Variants in CYRIB observed in about 807,000 individuals in gnomAD.
CYRIB encodes the protein CYFIP-related Rac1 interactor B.
In CYRIB, 8 loss-of-function variants were observed where a neutral mutation model predicts 44.2. The ratio of observed to expected loss-of-function variants is 0.18; its 90% confidence interval spans 0.11 to 0.33. The LOEUF (loss-of-function observed/expected upper bound fraction) is 0.33, where lower values mean the gene tolerates loss of function less well. CYRIB is among the 10% of genes least tolerant of loss of function. The pLI, the probability that CYRIB is intolerant of heterozygous loss-of-function variation, is 1.00. For synonymous variants in CYRIB, 131 were observed against 127.2 expected, an observed-to-expected ratio of 1.03 and a Z score of -0.20; for missense variants, 185 against 382.8, an observed-to-expected ratio of 0.48 and a Z score of 4.31.
At chr8:129,875,331 T>TCA (rs1367831998) in intron 3 of CYRIB, among the ~76,000 whole-genome samples, 2 of 151,262 alleles carry the variant, frequency 1.3e-5, no homozygotes, top group Non-Finnish European at 2.9e-5. Flanking sequence ...GTAGAGCAAA[T>TCA]CACAGCTCAC....
At chr8:129,890,964 T>C (rs2065135622) in intron 2 of CYRIB, among the ~76,000 whole-genome samples, 1 of 151,448 alleles carries the variant, frequency 6.6e-6, no homozygotes, top group Non-Finnish European at 1.5e-5. Flanking sequence ...GCAAGCAATG[T>C]CACCAAAAGG....
chr8:129,927,448 A>G (rs1428469855), intron 1 of CYRIB, among the ~76,000 whole-genome samples: 1 of 152,232 alleles, frequency 6.6e-6, no homozygotes, highest in African/African-American at 2.4e-5. Flanking sequence ...ACAAAATTAC[A>G]AAAGTCCCTG....
intron 2 of CYRIB, among the ~76,000 whole-genome samples, chr8:129,884,141 T>C (rs1203889761): frequency 6.6e-6 from 1 of 152,186 alleles, no homozygotes; most frequent in African/African-American, 2.4e-5. Flanking sequence ...GTCCAGCTGC[T>C]TGATTTTCCT....
chr8:129,929,954 T>C (rs2090228127), intron 1 of CYRIB, among the ~76,000 whole-genome samples: 1 of 152,174 alleles, frequency 6.6e-6, no homozygotes, highest in Admixed American at 6.5e-5. Flanking sequence ...GGCTCATGCG[T>C]GCAATCCCAG....
chr8:129,872,754 C>G (rs1416537530), intron 3 of CYRIB, among the ~76,000 whole-genome samples: 1 of 151,954 alleles, frequency 6.6e-6, no homozygotes, highest in Non-Finnish European at 1.5e-5. Flanking sequence ...TCACACTGGT[C>G]TTTTAAGTTT....
intron 10 of CYRIB, 90 bp downstream of exon 12, chr8:129,849,153 T>C (rs1042670922): frequency 8.0e-7 from 1 of 1,244,334 alleles, no homozygotes; most frequent in Non-Finnish European, 1.1e-6. Flanking sequence ...TTTGTGAGAG[T>C]CCGGTTTGCT....
chr8:129,908,288 A>G (rs1267468455), intron 1 of CYRIB, among the ~76,000 whole-genome samples: 1 of 152,210 alleles, frequency 6.6e-6, no homozygotes, highest in Non-Finnish European at 1.5e-5. Flanking sequence ...TCACATGAAG[A>G]CAACAGAAAA....
At chr8:129,923,435 C>T (rs981859578) in intron 1 of CYRIB, among the ~76,000 whole-genome samples, 9 of 151,714 alleles carry the variant, frequency 5.9e-5, no homozygotes, top group Non-Finnish European at 8.8e-5. Context: ...CCACCACACC[C>T]AGCTAATTTT....
chr8:129,874,363 G>A (rs1216547150), intron 3 of CYRIB, among the ~76,000 whole-genome samples: 1 of 151,960 alleles, frequency 6.6e-6, no homozygotes, highest in Non-Finnish European at 1.5e-5. Context: ...AGGGTGGAGG[G>A]TAGAAAAAGA....
intron 1 of CYRIB, among the ~76,000 whole-genome samples, chr8:129,971,799 G>A (rs1380407758): frequency 6.6e-6 from 1 of 152,128 alleles, no homozygotes; most frequent in Non-Finnish European, 1.5e-5. Context: ...ACACAAACAG[G>A]TACATTACGC....
At chr8:129,880,458 C>T in intron 2 of CYRIB, 1 of 985,584 alleles carries the variant, frequency 1.0e-6, no homozygotes, top group Non-Finnish European at 1.2e-6. Context: ...TGCCAGCAAA[C>T]CTAAAAATAA....
chr8:129,942,815 A>G (rs1295019358), upstream of CYRIB, among the ~76,000 whole-genome samples: 1 of 152,118 alleles, frequency 6.6e-6, no homozygotes, highest in Admixed American at 6.5e-5. Context: ...ATATGGTACT[A>G]TTATCAGGCC....
chr8:129,887,647 A>C (rs1194054359), intron 2 of CYRIB, among the ~76,000 whole-genome samples: 1 of 152,210 alleles, frequency 6.6e-6, no homozygotes, highest in Non-Finnish European at 1.5e-5. Flanking sequence ...CTGCAGAGCA[A>C]GAGGGGCAGA....
intron 1 of CYRIB, among the ~76,000 whole-genome samples, chr8:129,936,422 G>A (rs1424137556): frequency 2.0e-5 from 3 of 152,138 alleles, no homozygotes; most frequent in Non-Finnish European, 4.4e-5. Context: ...AACAGTAGGT[G>A]TTCAATACTA....
At chr8:129,855,320 G>A (rs961401688) in intron 6 of CYRIB, among the ~76,000 whole-genome samples, 1 of 151,752 alleles carries the variant, frequency 6.6e-6, no homozygotes, top group African/African-American at 2.4e-5. Context: ...GAGCCCAGGA[G>A]GGAGAGGTTG....
intron 2 of CYRIB, among the ~76,000 whole-genome samples, chr8:129,948,307 G>A (rs2094297110): frequency 6.6e-6 from 1 of 152,142 alleles, no homozygotes; most frequent in South Asian, 2.1e-4. Context: ...TACCCTCGAG[G>A]AGAGGTTTTT....
chr8:129,874,956 C>T (rs1320070021), intron 3 of CYRIB, among the ~76,000 whole-genome samples: 6 of 152,260 alleles, frequency 3.9e-5, no homozygotes, highest in Non-Finnish European at 7.4e-5. Context: ...AGAAAATATA[C>T]TCTATTTCTC....
chr8:129,852,229 A>G, exon 8 of CYRIB: 1 of 1,566,410 alleles, frequency 6.4e-7, no homozygotes, highest in Non-Finnish European at 8.7e-7. Context: ...AGCATAAAAC[A>G]AAGACATTCG....
chr8:129,849,163 T>C, intron 10 of CYRIB, 80 bp downstream of exon 12: 1 of 1,375,390 alleles, frequency 7.3e-7, no homozygotes, highest in Non-Finnish European at 9.8e-7. Flanking sequence ...TCCGGTTTGC[T>C]GGCTCTTATC....
Sources: allele counts gnomAD v4.1 joint callset (sites outside exome capture counted in the v4.1 genomes callset), GRCh38; gene constraint gnomAD v4.1.1; transcripts MANE v1.5; gene names NCBI Gene and HGNC (gene_info 2026-07-23, HGNC 2026-07-21).